UPP1: variants seen among roughly 807,000 people sequenced by gnomAD.
UPP1 encodes the protein uridine phosphorylase 1, also known as UPase 1.
A neutral mutation model predicts 29.6 loss-of-function variants in UPP1; 25 were observed. That is an observed-to-expected ratio of 0.85 (90% CI 0.62 to 1.18). UPP1 has a LOEUF of 1.18. Ranked by LOEUF, UPP1 falls within the 50% of genes most tolerant of loss-of-function variation. The probability of loss-of-function intolerance (pLI) is 0.00; values close to 1 mark genes in which losing one functional copy is unlikely to be tolerated. For synonymous variants in UPP1, 165 were observed against 159.8 expected, an observed-to-expected ratio of 1.03 and a Z score of -0.25; for missense variants, 368 against 410.4, an observed-to-expected ratio of 0.90 and a Z score of 0.89.
At chr7:48,095,301 T>C (rs185221448) in intron 3 of UPP1, among the ~76,000 whole-genome samples, 9 of 152,314 alleles carry the variant, frequency 5.9e-5, no homozygotes, top group Non-Finnish European at 1.0e-4. Context: ...CTATGTGAAC[T>C]TTAATCCGCT....
At chr7:48,099,598 C>T in intron 3 of UPP1, 72 bp from the exon 4 acceptor site, 4 of 1,070,958 alleles carry the variant, frequency 3.7e-6, no homozygotes, top group Admixed American at 1.7e-5. Context: ...CTGACATAGG[C>T]CACTTCTGTG....
chr7:48,101,677 T>G, intron 4 of UPP1, 147 bp from the exon 5 acceptor site: 1 of 919,344 alleles, frequency 1.1e-6, no homozygotes, highest in Non-Finnish European at 1.6e-6. Flanking sequence ...CCTGGGCCCC[T>G]TAGATTCAGC....
intron 6 of UPP1, chr7:48,105,152 G>A (rs184843897): frequency 6.6e-6 from 1 of 152,652 alleles, no homozygotes; most frequent in Non-Finnish European, 1.5e-5. Flanking sequence ...AGGTGCAGGG[G>A]GACATGGTGA....
intron 5 of UPP1, among the ~76,000 whole-genome samples, chr7:48,102,562 T>C (rs1424453063): frequency 1.3e-5 from 2 of 152,184 alleles, no homozygotes; most frequent in Non-Finnish European, 2.9e-5. Context: ...ACTAGCTATG[T>C]CAACCAACTA....
At chr7:48,093,613 C>T (rs529418104) in intron 2 of UPP1, among the ~76,000 whole-genome samples, 1 of 152,218 alleles carries the variant, frequency 6.6e-6, no homozygotes, top group Non-Finnish European at 1.5e-5. Context: ...CAAAACCCTG[C>T]CCTTCTCCAC....
chr7:48,094,850 G>A, intron 3 of UPP1, 23 bp downstream of exon 3: 1 of 1,595,354 alleles, frequency 6.3e-7, no homozygotes, highest in Non-Finnish European at 8.6e-7. Flanking sequence ...TTCATTCCAG[G>A]TTGGGTTGGG....
At chr7:48,104,014 T>TC (rs1447787763) in intron 6 of UPP1, 22 of 776,904 alleles carry the variant, frequency 2.8e-5, no homozygotes, top group African/African-American at 3.7e-5. Context: ...GATCGGGAGA[T>TC]CGAGACCATC....
chr7:48,093,720 C>T (rs373791452), intron 2 of UPP1, among the ~76,000 whole-genome samples: 3 of 152,222 alleles, frequency 2.0e-5, no homozygotes, highest in Middle Eastern at 3.4e-3. Flanking sequence ...GCAGTGGAGA[C>T]GGGGCCGTGG....
intron 2 of UPP1, among the ~76,000 whole-genome samples, chr7:48,093,353 G>T (rs983609790): frequency 6.6e-6 from 1 of 152,234 alleles, no homozygotes; most frequent in Non-Finnish European, 1.5e-5. Flanking sequence ...GGTGAGAACC[G>T]TGTGGTGGAA....
intron 6 of UPP1, chr7:48,104,595 G>C (rs547926891): frequency 6.6e-6 from 1 of 152,206 alleles, no homozygotes; most frequent in Non-Finnish European, 1.5e-5. Flanking sequence ...ACCTTGAAAG[G>C]GGACTTGCTT....
At chr7:48,089,977 T>C (rs1354381943) in intron 1 of UPP1, among the ~76,000 whole-genome samples, 2 of 152,214 alleles carry the variant, frequency 1.3e-5, no homozygotes, top group Non-Finnish European at 2.9e-5. Flanking sequence ...TGGAGGATGA[T>C]TGTTACGCGA....
intron 2 of UPP1, among the ~76,000 whole-genome samples, chr7:48,090,694 C>A (rs992326696): frequency 6.6e-6 from 1 of 152,196 alleles, no homozygotes; most frequent in Non-Finnish European, 1.5e-5. Flanking sequence ...CCAGGGCAGG[C>A]CTTTGTCTCT....
chr7:48,091,326 A>G (rs1791821886), intron 2 of UPP1, among the ~76,000 whole-genome samples: 1 of 149,302 alleles, frequency 6.7e-6, no homozygotes, highest in Non-Finnish European at 1.5e-5. Context: ...TCTGGCTGGT[A>G]ATAGGTAGAG....
At chr7:48,107,599 C>A (rs1403591404) in intron 8 of UPP1, 92 bp downstream of exon 8, 14 of 1,443,904 alleles carry the variant, frequency 9.7e-6, no homozygotes, top group Middle Eastern at 2.5e-4. Context: ...CCTGGGGCAC[C>A]CCGATACCCA....
At position 48,099,767 on chromosome 7, in the gene UPP1, G is replaced by A; in HGVS notation, c.142G>A (p.Ala48Thr). The change falls in exon 4 of 9, where the codon GCC becomes ACC. Residue 48 changes from alanine (A) to threonine (T), a missense_variant. Coordinates refer to ENST00000395564, the MANE Select transcript of UPP1 (RefSeq NM_003364.4). ...NLTTSRHNFPALFGDVKFVCV... is the reference protein window; with the variant it reads ...NLTTSRHNFPTLFGDVKFVCV... ...CACCACTAGCAGACACAATTTCCCA[G>A]CCTTGTTTGGAGATGTGAAGGTAAG... 2 of 1,612,314 alleles carry A rather than the reference G, an allele frequency of 1.2e-6. No homozygotes were observed. The highest frequency in any genetic ancestry group is 1.7e-6 in the Non-Finnish European group (2 of 1,178,398).
intron 3 of UPP1, among the ~76,000 whole-genome samples, chr7:48,099,112 C>T (rs1339451968): frequency 6.6e-6 from 1 of 152,196 alleles, no homozygotes; most frequent in South Asian, 2.1e-4. Context: ...AGCACATTTT[C>T]TAGCAGATAA....
rs1189822034 is a variant in UPP1 at position 48,101,870 on chromosome 7, G to A, written c.209G>A (p.Arg70Lys). ...CCCTCCCGGATGAAAGCCTTCATCAGGTGCGTTGGTGCAGAGCTGGGCCTT... is the reference window on the plus strand; with the variant it reads ...CCCTCCCGGATGAAAGCCTTCATCAAGTGCGTTGGTGCAGAGCTGGGCCTT... Reference protein sequence around the residue: ...GSPSRMKAFIRCVGAELGLDC... With the variant: ...GSPSRMKAFIKCVGAELGLDC... Residue 70 changes from arginine (R) to lysine (K), a missense_variant, in exon 5 of 9, where the codon AGG (arginine) becomes AAG (lysine). Transcript: ENST00000395564. 3 of 1,613,962 alleles carry A rather than the reference G, an allele frequency of 1.9e-6. No individual in the cohort carries two copies. The highest frequency in any genetic ancestry group is 2.5e-6 in the Non-Finnish European group (3 of 1,180,014).
chr7:48,103,636 C>A, intron 6 of UPP1: 1 of 896,222 alleles, frequency 1.1e-6, no homozygotes, highest in South Asian at 1.6e-5. Context: ...GGGCACCACA[C>A]CATGCATATG....
rs969667965 is a variant in UPP1 at position 48,093,103 on chromosome 7, A to G, written c.-21-1660A>G. ...TCTTAGCTCTCCTTAGCTGGACTGC[A>G]GTAGGCTGGGATTTCCAAAGAAGTG... On this transcript the variant is annotated intron_variant, in intron 2 of 8. Transcript: ENST00000395564. Among the ~76,000 whole-genome samples, 13 of 152,358 alleles carry G rather than the reference A, an allele frequency of 8.5e-5. No homozygotes were observed. The East Asian group carries it at 1.7e-3, about 20-fold the overall frequency.
Sources: allele counts gnomAD v4.1 joint callset (sites outside exome capture counted in the v4.1 genomes callset), GRCh38; gene constraint gnomAD v4.1.1; transcripts MANE v1.5; gene names NCBI Gene and HGNC (gene_info 2026-07-23, HGNC 2026-07-21).